The following BTN3A2 variants were observed in gnomAD, a reference collection of about 807,000 sequenced individuals.
BTN3A2 encodes butyrophilin subfamily 3 member A2.
Under a neutral mutation model 37.6 loss-of-function variants are expected in BTN3A2, and 25 were observed. The ratio of observed to expected loss-of-function variants is 0.66; its 90% confidence interval spans 0.48 to 0.93. The LOEUF is 0.93. BTN3A2 is among the 40% of genes least tolerant of loss of function. BTN3A2 has a pLI of 0.00. For missense variants in BTN3A2, 266 were observed against 410.9 expected (o/e 0.65, Z 3.05); for synonymous variants, 122 against 159.4 (o/e 0.77, Z 1.77).
rs1452491210 is a variant in BTN3A2, at chr6:26,375,511, T to C, written c.*35-286T>C. On this transcript the variant is annotated intron_variant, in intron 10 of 10. Coordinates refer to ENST00000377708, the MANE Select transcript of BTN3A2 (RefSeq NM_007047.5). Reference sequence around the variant, plus strand: ...CTTTCTTTCTCCTTCTAATCTTCTATCAGGGCCTCCCATTGGCCAAACACA... The same window carrying C: ...CTTTCTTTCTCCTTCTAATCTTCTACCAGGGCCTCCCATTGGCCAAACACA... 4.8e-6 allele frequency: 4 copies of C among 834,426 alleles called. No homozygotes were observed. The African/African-American group carries it at 5.2e-5, about 11-fold the overall frequency. The allele number at this position is 834,426 out of a possible 1,614,324, so 51.7% of individuals were successfully genotyped here.
chr6:26,369,359 A>G (rs9358935), intron 4 of BTN3A2, among the ~76,000 whole-genome samples: 11,709 of 152,246 alleles, frequency 0.077, 565 homozygotes, highest in Non-Finnish European at 0.11. Context: ...CTGTAGTAGA[A>G]CTAGCTGTAT....
At chr6:26,366,838 G>A (rs1759555216) in intron 1 of BTN3A2, among the ~76,000 whole-genome samples, 1 of 152,200 alleles carries the variant, frequency 6.6e-6, no homozygotes, top group African/African-American at 2.4e-5. Flanking sequence ...TTTGTTTTGG[G>A]AGAAACTGTT....
At position 26,368,503 on chromosome 6, in the gene BTN3A2, C is replaced by T. The variant is rs767694122; in HGVS notation, c.86-62C>T. On this transcript the variant is annotated intron_variant, in intron 3 of 10. Coordinates refer to ENST00000377708, the MANE Select transcript of BTN3A2 (RefSeq NM_007047.5). Reference sequence around the variant, plus strand: ...TCTCGCCTTCCCTGTCTGAGAAGGACCCTTCCTCTCATGACCCCAACTCCA... The same window carrying T: ...TCTCGCCTTCCCTGTCTGAGAAGGATCCTTCCTCTCATGACCCCAACTCCA... The T allele has an allele frequency of 3.1e-6, 5 of 1,613,368 alleles. No individual in the cohort carries two copies. The South Asian group carries it at 5.5e-5, about 18-fold the overall frequency.
In BTN3A2 at chr6:26,377,001, A is replaced by G. The variant is rs1328596780; in HGVS notation, c.*1239A>G. The stretch of plus-strand genomic sequence containing the variant: ...CTACAATGCCACGGATGGATCTCAT[A>G]TCTACACATTTCTGCACGCCTCTTC... On this transcript the variant is annotated 3_prime_UTR_variant, in exon 11 of 11. Coordinates refer to ENST00000377708, the MANE Select transcript of BTN3A2 (RefSeq NM_007047.5). The G allele has an allele frequency of 1.4e-6, 2 of 1,470,002 alleles. No homozygotes were observed. Among genetic ancestry groups the G allele is most frequent in the East Asian group, 2.3e-5 (1 of 44,052 alleles). 91.1% of individuals were successfully genotyped at this position (1,470,002 alleles called of 1,614,324 possible). A position where few individuals can be genotyped will look rare whatever the true frequency, so the allele number is the denominator to read the frequency against.
At chr6:26,374,113 T>C (rs1760431474) in intron 8 of BTN3A2, 4 of 486,304 alleles carry the variant, frequency 8.2e-6, no homozygotes, top group South Asian at 5.7e-5. Context: ...GCCACTAGCG[T>C]TCAACCGATG....
chr6:26,366,714 C>T (rs1392584278), intron 1 of BTN3A2, among the ~76,000 whole-genome samples: 1 of 152,094 alleles, frequency 6.6e-6, no homozygotes, highest in African/African-American at 2.4e-5. Flanking sequence ...CTGCACAGAC[C>T]TCTGTTCCCT....
At position 26,376,796 on chromosome 6, in the gene BTN3A2, G is replaced by C. The variant is rs1760741577; in HGVS notation, c.*1034G>C. 3 of 1,613,346 alleles carry C rather than the reference G, an allele frequency of 1.9e-6. No homozygotes were observed. The highest frequency in any genetic ancestry group is 2.5e-6 in the Non-Finnish European group (3 of 1,179,364). On this transcript the variant is annotated 3_prime_UTR_variant, in exon 11 of 11. Coordinates refer to ENST00000377708, the MANE Select transcript of BTN3A2 (RefSeq NM_007047.5). ...AGTGGCATATTGGGGTATGTAGTAA[G>C]AACGTGGAGAGGAAAAAAGTTTGGG...
chr6:26,373,575 C>T, intron 8 of BTN3A2, 162 bp downstream of exon 8: 1 of 302,584 alleles, frequency 3.3e-6, no homozygotes. Flanking sequence ...CCACCCAGTG[C>T]TTTTTCTCTC....
chr6:26,372,905 T>C lies in BTN3A2; in HGVS notation c.724T>C (p.Phe242Leu), dbSNP rs532046699. The C allele has an allele frequency of 1.9e-6, 3 of 1,613,510 alleles. No homozygotes were observed. Among genetic ancestry groups the C allele is most frequent in the Non-Finnish European group, 1.7e-6 (2 of 1,180,030 alleles). Residue 242 changes from phenylalanine to leucine, a missense_variant, in exon 6 of 11, where the codon TTC (phenylalanine) becomes CTC (leucine). Transcript: ENST00000377708. ...TASISIADPF[F>L]RSAQPWIAAL... Reference sequence around the variant, plus strand: ...AGCTCTCCCCTTCGCAGACCCCTTCTTCAGGAGCGCCCAGCCCTGGATCGC... The same window carrying C: ...AGCTCTCCCCTTCGCAGACCCCTTCCTCAGGAGCGCCCAGCCCTGGATCGC...
chr6:26,374,422 T>G, intron 9 of BTN3A2, 49 bp downstream of exon 9: 3 of 1,539,678 alleles, frequency 1.9e-6, no homozygotes, highest in Non-Finnish European at 2.7e-6. Flanking sequence ...TTTTCTCCAC[T>G]GTGACCCGTG....
In BTN3A2 at chr6:26,370,428, C is replaced by T; in HGVS notation, c.540C>T (p.Ser180=). 6.2e-7 allele frequency: 1 copy of T among 1,614,200 alleles called. No individual in the cohort carries two copies. The highest frequency in any genetic ancestry group is 1.1e-5 in the South Asian group (1 of 91,092). Residue 180 remains serine, a synonymous_variant, in exon 5 of 11, where the codon AGC becomes AGT. Coordinates refer to ENST00000377708, the MANE Select transcript of BTN3A2 (RefSeq NM_007047.5). The part of the protein sequence containing the change: ...GWYPQPQIQW[S]NAKGENIPAV... ...ACCCCCAACCCCAAATACAGTGGAG[C>T]AACGCCAAGGGAGAGAACATCCCAG...
rs780580226 is a variant in BTN3A2 at position 26,372,970 on chromosome 6, C to T, written c.789C>T (p.Leu263=). Reference sequence around the variant, plus strand: ...CCCTGCCTATCTTGCTGCTGCTTCTCGCCGGAGCCAGTTACTTCTTGTGGA... The same window carrying T: ...CCCTGCCTATCTTGCTGCTGCTTCTTGCCGGAGCCAGTTACTTCTTGTGGA... The part of the protein sequence containing the change: ...AGTLPILLLL[L]AGASYFLWRQ... The change falls in exon 6 of 11, where the codon CTC becomes CTT. Residue 263 remains leucine, a synonymous_variant. Coordinates refer to ENST00000377708, the MANE Select transcript of BTN3A2 (RefSeq NM_007047.5). 6.8e-6 allele frequency: 11 copies of T among 1,614,210 alleles called. No individual in the cohort carries two copies. The highest frequency in any genetic ancestry group is 2.2e-5 in the South Asian group (2 of 91,084).
chr6:26,374,637 G>C, intron 9 of BTN3A2, 134 bp from the exon 10 acceptor site: 1 of 1,076,018 alleles, frequency 9.3e-7, no homozygotes, highest in Non-Finnish European at 1.4e-6. Flanking sequence ...ATCCATCAGA[G>C]CTGTAGAGGA....
At position 26,374,422 on chromosome 6, in the gene BTN3A2, T is replaced by C. The variant is rs539639682; in HGVS notation, c.*6+49T>C. 3.0e-5 allele frequency: 46 copies of C among 1,539,680 alleles called. No homozygotes were observed. In the Admixed American group the frequency reaches 7.7e-4, roughly 26 times the overall value. On this transcript the variant is annotated intron_variant, in intron 9 of 10. Coordinates refer to ENST00000377708, the MANE Select transcript of BTN3A2 (RefSeq NM_007047.5). ...CTGAATATTTCAACTTTTTCTCCACTGTGACCCGTGGATGTTCTCAGCTGG... is the reference window on the plus strand; with the variant it reads ...CTGAATATTTCAACTTTTTCTCCACCGTGACCCGTGGATGTTCTCAGCTGG...
In BTN3A2 at chr6:26,374,201, TAAAAAAAAAAAAAAAAAAAAAAAAAAA is replaced by T. The variant is rs34655395; in HGVS notation, c.965-113_965-87del. ...GAGACCATGGGGAAGGGTGGGATGG[TAAAAAAAAAAAAAAAAAAAAAAAAAAA>T]AAAAAAAAAAAAGACTAGATGGATG... On this transcript the variant is annotated intron_variant, in intron 8 of 10. Coordinates refer to ENST00000377708, the MANE Select transcript of BTN3A2 (RefSeq NM_007047.5). 1.0e-4 allele frequency: 25 copies of T among 246,782 alleles called. 1 individual carries two copies. Among genetic ancestry groups the T allele is most frequent in the East Asian group, 1.4e-4 (2 of 14,188 alleles). The allele number at this position is 246,782 out of a possible 1,614,324, so 15.3% of individuals were successfully genotyped here.
In BTN3A2 at chr6:26,370,395, C is replaced by T. The variant is rs1382791303; in HGVS notation, c.507C>T (p.Thr169=). The T allele has an allele frequency of 3.1e-6, 5 of 1,614,162 alleles. No homozygotes were observed. In the South Asian group the frequency reaches 3.3e-5, roughly 11 times the overall value. ...GGATCCATCTGGAGTGCAGGTCCAC[C>T]GGCTGGTACCCCCAACCCCAAATAC... ...DGGIHLECRS[T]GWYPQPQIQW... The change falls in exon 5 of 11, where the codon ACC becomes ACT. Residue 169 remains threonine, a synonymous_variant. Transcript: ENST00000377708.
At chr6:26,367,957 G>A (rs1759680183) in intron 1 of BTN3A2, 33 bp from the exon 2 acceptor site, 29 of 1,113,646 alleles carry the variant, frequency 2.6e-5, no homozygotes, top group Non-Finnish European at 3.4e-5. Flanking sequence ...AGTCAGAGAT[G>A]TCCTGATCAG....
At chr6:26,369,761 C>T (rs1281152801) in intron 4 of BTN3A2, among the ~76,000 whole-genome samples, 1 of 152,158 alleles carries the variant, frequency 6.6e-6, no homozygotes, top group Admixed American at 6.5e-5. Context: ...ATCATAGTCA[C>T]AAAGTGCCAT....
intron 9 of BTN3A2, 179 bp from the exon 10 acceptor site, chr6:26,374,592 C>T: frequency 2.3e-6 from 2 of 873,020 alleles, no homozygotes; most frequent in Admixed American, 2.7e-5. Flanking sequence ...ACACAGGGAG[C>T]CAAGCCTGAC....
Sources: gnomAD v4.1 joint callset for allele counts (sites outside exome capture counted in the v4.1 genomes callset) on GRCh38, gnomAD v4.1.1 for gene constraint, MANE v1.5 for transcripts, NCBI Gene and HGNC (gene_info 2026-07-23, HGNC 2026-07-21) for gene names.